The following VWA2 variants were observed in gnomAD, a reference collection of about 807,000 sequenced individuals.
VWA2 encodes the protein von Willebrand factor A domain-containing protein 2.
A neutral mutation model predicts 70.4 loss-of-function variants in VWA2; 73 were observed. That is an observed-to-expected ratio of 1.04 (90% CI 0.86 to 1.26). VWA2 has a LOEUF of 1.26. Ranked by LOEUF, VWA2 falls within the 50% of genes most tolerant of loss-of-function variation. The pLI is 0.00. For synonymous variants in VWA2, 407 were observed against 423.3 expected (o/e 0.96, Z 0.47); for missense variants, 1,011 against 998.5 (o/e 1.01, Z -0.17).
intron 6 of VWA2, 151 bp downstream of exon 6, chr10:114,273,085 C>A: frequency 1.7e-6 from 1 of 594,268 alleles, no homozygotes; most frequent in Non-Finnish European, 2.7e-6. Flanking sequence ...GACTCCAGTG[C>A]ACAGGAAGCT....
At chr10:114,262,534 C>T (rs2037467445) in intron 5 of VWA2, among the ~76,000 whole-genome samples, 2 of 152,100 alleles carry the variant, frequency 1.3e-5, no homozygotes. Context: ...CTCTGAAGTC[C>T]ATGGTCACAG....
At chr10:114,261,727 T>G (rs535016671) in intron 5 of VWA2, among the ~76,000 whole-genome samples, 1 of 152,236 alleles carries the variant, frequency 6.6e-6, no homozygotes, top group African/African-American at 2.4e-5. Context: ...TTATTAAGAG[T>G]GCTTTAAAAA....
intron 12 of VWA2, chr10:114,289,773 C>A: frequency 2.1e-6 from 1 of 477,302 alleles, no homozygotes. Flanking sequence ...TTAGAATATC[C>A]ACAAGCTTCC....
intron 5 of VWA2, among the ~76,000 whole-genome samples, chr10:114,266,886 C>G (rs537443338): frequency 6.6e-6 from 1 of 152,128 alleles, no homozygotes; most frequent in East Asian, 1.9e-4. Flanking sequence ...AATTACAAAG[C>G]ATTTTGTCCT....
chr10:114,281,465 A>G (rs1054025884), intron 8 of VWA2, among the ~76,000 whole-genome samples: 2 of 152,314 alleles, frequency 1.3e-5, no homozygotes, highest in South Asian at 2.1e-4. Context: ...GAGCCCTCAG[A>G]ACCCATTTCC....
intron 5 of VWA2, among the ~76,000 whole-genome samples, chr10:114,265,189 G>T (rs2037535104): frequency 6.6e-6 from 1 of 152,180 alleles, no homozygotes; most frequent in Non-Finnish European, 1.5e-5. Context: ...TGGTTGCACA[G>T]CTTTGTGAAT....
intron 1 of VWA2, 135 bp downstream of exon 1, chr10:114,239,704 C>T (rs1341905451): frequency 6.6e-6 from 1 of 152,312 alleles, no homozygotes; most frequent in Admixed American, 6.5e-5. Flanking sequence ...GCTGCGCGGC[C>T]CCGCCGAGGG....
chr10:114,278,697 T>C (rs2133379307), intron 7 of VWA2, 22 bp from the exon 8 acceptor site: 1 of 1,613,118 alleles, frequency 6.2e-7, no homozygotes, highest in Non-Finnish European at 8.5e-7. Context: ...TCCGTGGGTG[T>C]GGGTGTGTGT....
At position 114,254,945 on chromosome 10, in the gene VWA2, T is replaced by A. The variant is rs201997574; in HGVS notation, c.158T>A (p.Met53Lys). ...TGGTGCTCGGCTGCAGTGGACATCA[T>A]GTTTCTGTTAGATGGGTCTAACAGC... ...MMWCSAAVDI[M>K]FLLDGSNSVG... is the part of the protein sequence containing the mutation. The change falls in exon 4 of 14, where the codon ATG becomes AAG. Residue 53 changes from methionine (M) to lysine (K), a missense_variant. Transcript: ENST00000392982. 23 of 1,613,344 alleles carry A rather than the reference T, an allele frequency of 1.4e-5. No homozygotes were observed. The highest frequency in any genetic ancestry group is 1.9e-5 in the Non-Finnish European group (22 of 1,179,956).
chr10:114,253,869 AG>A, intron 3 of VWA2, 144 bp downstream of exon 3: 1 of 781,350 alleles, frequency 1.3e-6, no homozygotes, highest in Non-Finnish European at 2.0e-6. Flanking sequence ...TTCCCCAAAC[AG>A]GGACCTGACC....
At chr10:114,244,160 T>C (rs560909763) in intron 1 of VWA2, among the ~76,000 whole-genome samples, 2 of 152,336 alleles carry the variant, frequency 1.3e-5, no homozygotes, top group African/African-American at 4.8e-5. Context: ...TTGTGCCGGA[T>C]GGAGTGTGAG....
At chr10:114,288,256 T>C (rs78792736) in intron 11 of VWA2, among the ~76,000 whole-genome samples, 3,649 of 152,272 alleles carry the variant, frequency 0.024, 166 homozygotes, top group African/African-American at 0.084. Context: ...CTTGTTATGT[T>C]CCCCTACTGG....
intron 5 of VWA2, among the ~76,000 whole-genome samples, chr10:114,267,441 T>C (rs914559601): frequency 4.0e-5 from 6 of 150,256 alleles, no homozygotes; most frequent in African/African-American, 7.4e-5. Context: ...TTATTATTAT[T>C]GTTATTTTTA....
intron 4 of VWA2, among the ~76,000 whole-genome samples, chr10:114,260,967 G>T (rs186447629): frequency 6.6e-4 from 100 of 152,284 alleles, no homozygotes; most frequent in Non-Finnish European, 1.1e-3. Flanking sequence ...TGAATTGGGG[G>T]TCATCAGTGC....
chr10:114,270,987 T>C (rs2037695253), intron 5 of VWA2, among the ~76,000 whole-genome samples: 1 of 152,168 alleles, frequency 6.6e-6, no homozygotes. Flanking sequence ...AGACCCCATT[T>C]AAAAGCTTTT....
chr10:114,275,074 G>C (rs1046090463), intron 6 of VWA2, among the ~76,000 whole-genome samples: 26 of 152,126 alleles, frequency 1.7e-4, no homozygotes, highest in Non-Finnish European at 1.5e-5. Flanking sequence ...CAGGCATGGA[G>C]ATTGAAATTT....
At position 114,278,814 on chromosome 10, in the gene VWA2, A is replaced by T; in HGVS notation, c.796A>T (p.Thr266Ser). The change falls in exon 8 of 14, where the codon ACC becomes TCC. Residue 266 changes from threonine to serine, a missense_variant. By Grantham distance (58) the Thr-to-Ser change is moderately conservative. Transcript: ENST00000392982. Reference sequence around the variant, plus strand: ...CCCATGCTGGAGAGGATCGCGGCGGACCCTTGCGGTGCTGGCTGCACACTG... The same window carrying T: ...CCCATGCTGGAGAGGATCGCGGCGGTCCCTTGCGGTGCTGGCTGCACACTG... Reference protein sequence around the residue: ...NAPCWRGSRRTLAVLAAHCPF... With the variant: ...NAPCWRGSRRSLAVLAAHCPF... 1 of 1,613,306 alleles carries T rather than the reference A, an allele frequency of 6.2e-7. No homozygotes were observed.
rs549920866 is a variant in VWA2 at position 114,263,891 on chromosome 10, C to T, written c.371+2596C>T. Among the ~76,000 whole-genome samples the T allele has an allele frequency of 3.3e-5, 5 of 152,152 alleles. No homozygotes were observed. The South Asian group carries it at 1.0e-3, about 32-fold the overall frequency. ...GTTCCAAAGAAGATAGACAAATGGC[C>T]AATAAGTACACAAAAAGATTGTCAA... On this transcript the variant is annotated intron_variant, in intron 5 of 13. Coordinates refer to ENST00000392982, the MANE Select transcript of VWA2 (RefSeq NM_001272046.2).
At chr10:114,258,832 C>G (rs1034673617) in intron 4 of VWA2, among the ~76,000 whole-genome samples, 1 of 152,158 alleles carries the variant, frequency 6.6e-6, no homozygotes, top group African/African-American at 2.4e-5. Flanking sequence ...CAAAGCGTAG[C>G]CTACCGTACA....
Sources: gnomAD v4.1 joint callset for allele counts (sites outside exome capture counted in the v4.1 genomes callset) on GRCh38, gnomAD v4.1.1 for gene constraint, MANE v1.5 for transcripts, NCBI Gene and HGNC (gene_info 2026-07-23, HGNC 2026-07-21) for gene names.